MAF: variants seen among roughly 807,000 people sequenced by gnomAD.
MAF encodes the protein MAF bZIP transcription factor, also known as transcription factor Maf.
Under a neutral mutation model 22.0 loss-of-function variants are expected in MAF, and 10 were observed. The ratio of observed to expected loss-of-function variants is 0.45; its 90% confidence interval spans 0.28 to 0.77. The LOEUF is 0.77. MAF is among the 30% of genes least tolerant of loss of function. The probability of loss-of-function intolerance (pLI) is 0.12; values close to 1 mark genes in which losing one functional copy is unlikely to be tolerated. For missense variants in MAF, 544 were observed against 548.4 expected (o/e 0.99, Z 0.08); for synonymous variants, 337 against 255.8 (o/e 1.32, Z -3.03).
chr16:79,219,604 C>G, the MAF span, among the ~76,000 whole-genome samples: 2 of 144,906 alleles, frequency 1.4e-5, no homozygotes, highest in African/African-American at 5.0e-5. Flanking sequence ...GTGAATGTTA[C>G]TGTCCCCTTT....
At chr16:79,413,533 G>A in the MAF span, among the ~76,000 whole-genome samples, 2 of 151,804 alleles carry the variant, frequency 1.3e-5, no homozygotes, top group Admixed American at 6.6e-5. Context: ...GCGCCCGGCC[G>A]AGCTGTGCAG....
At chr16:79,279,787 T>C in the MAF span, among the ~76,000 whole-genome samples, 1 of 152,216 alleles carries the variant, frequency 6.6e-6, no homozygotes, top group Non-Finnish European at 1.5e-5. Context: ...TTTTCTTTTA[T>C]ATATTTTTTT....
At chr16:79,428,605 C>T in the MAF span, among the ~76,000 whole-genome samples, 1 of 151,928 alleles carries the variant, frequency 6.6e-6, no homozygotes, top group East Asian at 1.9e-4. Flanking sequence ...TTTGGGAGGC[C>T]GAGGCAGGTG....
chr16:79,224,697 G>A, the MAF span, among the ~76,000 whole-genome samples: 1 of 152,142 alleles, frequency 6.6e-6, no homozygotes, highest in Non-Finnish European at 1.5e-5. Flanking sequence ...AAAATCACAA[G>A]CATTTCTATA....
the MAF span, among the ~76,000 whole-genome samples, chr16:79,209,310 A>C: frequency 1.3e-5 from 2 of 152,194 alleles, no homozygotes; most frequent in Non-Finnish European, 2.9e-5. Flanking sequence ...TCTTAGCAAA[A>C]ATACCATTCC....
chr16:79,312,719 G>A, the MAF span, among the ~76,000 whole-genome samples: 1 of 152,180 alleles, frequency 6.6e-6, no homozygotes, highest in Non-Finnish European at 1.5e-5. Context: ...ATATCTAATC[G>A]CAGGGCCTGT....
the MAF span, among the ~76,000 whole-genome samples, chr16:79,564,187 G>A: frequency 3.5e-4 from 54 of 152,324 alleles, no homozygotes; most frequent in African/African-American, 7.9e-4. Flanking sequence ...GCAGGGCAGC[G>A]TTCCTCCTCT....
At chr16:79,327,385 C>A in the MAF span, among the ~76,000 whole-genome samples, 3 of 152,050 alleles carry the variant, frequency 2.0e-5, no homozygotes, top group Admixed American at 6.5e-5. Context: ...ATTCTTAAAG[C>A]GCTTTTGCTC....
At chr16:79,212,190 C>T in the MAF span, 13 of 1,465,072 alleles carry the variant, frequency 8.9e-6, no homozygotes, top group East Asian at 2.5e-5. Context: ...CGGGGGCTGG[C>T]CTTCTCCTAC....
chr16:79,569,893 C>A, the MAF span, among the ~76,000 whole-genome samples: 5 of 151,932 alleles, frequency 3.3e-5, no homozygotes, highest in South Asian at 2.1e-4. Context: ...AAACAATTGA[C>A]GTTGGCTTCA....
the MAF span, among the ~76,000 whole-genome samples, chr16:79,436,006 T>G: frequency 6.6e-6 from 1 of 152,186 alleles, no homozygotes; most frequent in Non-Finnish European, 1.5e-5. Flanking sequence ...TGGAGAAGAT[T>G]TCACCCATTC....
the MAF span, among the ~76,000 whole-genome samples, chr16:79,573,623 G>A: frequency 6.6e-6 from 1 of 152,040 alleles, no homozygotes; most frequent in Non-Finnish European, 1.5e-5. Context: ...CTACTGTATA[G>A]GTAATACACA....
At chr16:79,257,744 G>A in the MAF span, among the ~76,000 whole-genome samples, 74 of 152,306 alleles carry the variant, frequency 4.9e-4, no homozygotes, top group African/African-American at 1.4e-3. Context: ...CCATGTATGC[G>A]TCTCAGTAAG....
At chr16:79,413,369 G>A in the MAF span, among the ~76,000 whole-genome samples, 6 of 146,284 alleles carry the variant, frequency 4.1e-5, no homozygotes, top group South Asian at 4.6e-4. Flanking sequence ...CAGCCTCTCC[G>A]AGTAGCTGGG....
chr16:79,412,452 C>T, the MAF span, among the ~76,000 whole-genome samples: 3 of 152,294 alleles, frequency 2.0e-5, no homozygotes, highest in South Asian at 6.2e-4. Flanking sequence ...AGCCCTATTG[C>T]TTGAATGTTC....
At chr16:79,541,130 ACTAAT>A in the MAF span, among the ~76,000 whole-genome samples, 2 of 152,168 alleles carry the variant, frequency 1.3e-5, no homozygotes, top group Admixed American at 1.3e-4. Flanking sequence ...CCACTACTAT[ACTAAT>A]CTAATAGTGC....
chr16:79,368,887 G>C, the MAF span, among the ~76,000 whole-genome samples: 1 of 152,052 alleles, frequency 6.6e-6, no homozygotes, highest in African/African-American at 2.4e-5. Flanking sequence ...CTGACTTTCT[G>C]TCTCTTTCTC....
At chr16:79,409,758 C>T in the MAF span, among the ~76,000 whole-genome samples, 3 of 152,128 alleles carry the variant, frequency 2.0e-5, no homozygotes, top group African/African-American at 7.2e-5. Context: ...ACTTAGAAGG[C>T]CATCCCTACT....
At chr16:79,413,023 A>G in the MAF span, among the ~76,000 whole-genome samples, 1 of 152,154 alleles carries the variant, frequency 6.6e-6, no homozygotes, top group Non-Finnish European at 1.5e-5. Flanking sequence ...TTGGATAAAC[A>G]GTAAGTAGAG....
Sources: gnomAD v4.1 joint callset for allele counts (sites outside exome capture counted in the v4.1 genomes callset) on GRCh38, gnomAD v4.1.1 for gene constraint, MANE v1.5 for transcripts, NCBI Gene and HGNC (gene_info 2026-07-23, HGNC 2026-07-21) for gene names.